The following DGKG variants were observed in gnomAD, a reference collection of about 807,000 sequenced individuals.
DGKG encodes DAG kinase gamma.
Under a neutral mutation model 105.3 loss-of-function variants are expected in DGKG, and 78 were observed. The ratio of observed to expected loss-of-function variants is 0.74; its 90% confidence interval spans 0.62 to 0.89. The LOEUF is 0.89. DGKG is among the 40% of genes least tolerant of loss of function. DGKG has a pLI of 0.00. For missense variants in DGKG, 958 were observed against 1,020.1 expected, an observed-to-expected ratio of 0.94 and a Z score of 0.83; for synonymous variants, 346 against 367.1, an observed-to-expected ratio of 0.94 and a Z score of 0.66.
chr3:186,336,990 T>C (rs887235014), intron 1 of DGKG, among the ~76,000 whole-genome samples: 2 of 152,118 alleles, frequency 1.3e-5, no homozygotes, highest in Non-Finnish European at 1.5e-5. Flanking sequence ...ACTGAACCAA[T>C]ATTAAAAGGT....
chr3:186,340,324 G>A (rs967950922), intron 1 of DGKG, among the ~76,000 whole-genome samples: 1 of 152,098 alleles, frequency 6.6e-6, no homozygotes, highest in Admixed American at 6.6e-5. Flanking sequence ...GTTAGGAGTG[G>A]CTGGATGTGT....
Position 186,226,550 on chromosome 3 carries a change from G to A in DGKG, c.1827-14665C>T, listed in dbSNP as rs1201536586. On this transcript the variant is annotated intron_variant, in intron 20 of 24. Transcript: ENST00000265022. This position sits in a 1 kb window ranked among gnomAD's most constrained non-coding sequence, Gnocchi z 4.2. ...GACTAATTACAACACTCTGTTGAGA[G>A]CTCCAATAAAAGTTTCACTGAGATC... is the stretch of plus-strand genomic sequence containing the variant. Among the ~76,000 whole-genome samples the A allele has an allele frequency of 6.6e-6, 1 of 152,182 alleles. No individual in the cohort carries two copies. Among genetic ancestry groups the A allele is most frequent in the Non-Finnish European group, 1.5e-5 (1 of 68,036 alleles).
intron 22 of DGKG, among the ~76,000 whole-genome samples, chr3:186,171,240 C>T (rs1446171232): frequency 6.6e-6 from 1 of 152,158 alleles, no homozygotes; most frequent in Non-Finnish European, 1.5e-5. Flanking sequence ...GCAACTAGAC[C>T]AGCCTTTGGC....
At chr3:186,255,237 G>A (rs1721410012) in intron 17 of DGKG, among the ~76,000 whole-genome samples, 1 of 152,256 alleles carries the variant, frequency 6.6e-6, no homozygotes, top group African/African-American at 2.4e-5. Flanking sequence ...TGCAGATGCA[G>A]TGTTAGGTGC....
In DGKG at chr3:186,149,092, G is replaced by C; in HGVS notation, c.*998C>G. 2 of 984,814 alleles carry C rather than the reference G, an allele frequency of 2.0e-6. No individual in the cohort carries two copies. Among genetic ancestry groups the C allele is most frequent in the Non-Finnish European group, 2.4e-6 (2 of 829,794 alleles). 61.0% of individuals were successfully genotyped at this position (984,814 alleles called of 1,614,324 possible). ...ATACTCTGGGAGTGGTGAGTGCAAA[G>C]AAGCAGGAGGGAACCGTCTCCTGGT... On this transcript the variant is annotated 3_prime_UTR_variant, in exon 25 of 25. Transcript: ENST00000265022.
chr3:186,192,203 G>T (rs1717942176), intron 21 of DGKG, among the ~76,000 whole-genome samples: 1 of 152,000 alleles, frequency 6.6e-6, no homozygotes, highest in Non-Finnish European at 1.5e-5. Context: ...GTTGAGATGG[G>T]GTTTTACCAT....
chr3:186,358,498 C>G (rs1727082023), intron 1 of DGKG, among the ~76,000 whole-genome samples: 1 of 67,004 alleles, frequency 1.5e-5, no homozygotes, highest in South Asian at 5.0e-4. Context: ...TTGTTTTCTT[C>G]TAACCCTTTG....
At chr3:186,166,419 A>G (rs1487287398) in intron 22 of DGKG, among the ~76,000 whole-genome samples, 3 of 152,184 alleles carry the variant, frequency 2.0e-5, no homozygotes, top group African/African-American at 7.2e-5. Flanking sequence ...TCTCATTTGG[A>G]CTTGGAAAAA....
chr3:186,317,941 C>A (rs1249841531), intron 2 of DGKG, among the ~76,000 whole-genome samples: 2 of 151,982 alleles, frequency 1.3e-5, no homozygotes, highest in Non-Finnish European at 2.9e-5. Flanking sequence ...AGCCCTGCAT[C>A]CTGATGTCAT....
At chr3:186,317,829 T>A (rs552480843) in intron 2 of DGKG, among the ~76,000 whole-genome samples, 18 of 152,284 alleles carry the variant, frequency 1.2e-4, no homozygotes, top group Admixed American at 2.6e-4. Flanking sequence ...GGGCAGGAAC[T>A]GTGTCTCATT....
At chr3:186,331,963 G>A (rs1364063622) in intron 1 of DGKG, among the ~76,000 whole-genome samples, 1 of 152,106 alleles carries the variant, frequency 6.6e-6, no homozygotes, top group Non-Finnish European at 1.5e-5. Flanking sequence ...ATTCTCCCAA[G>A]TTATCCTACT....
At chr3:186,260,285 G>C (rs964556717) in intron 16 of DGKG, among the ~76,000 whole-genome samples, 154 bp downstream of exon 16, 50 of 151,948 alleles carry the variant, frequency 3.3e-4, no homozygotes, top group African/African-American at 1.2e-3. Flanking sequence ...CCAGGAGTCA[G>C]AGTCAGACGT....
At chr3:186,360,959 G>T (rs1271402859) in intron 1 of DGKG, among the ~76,000 whole-genome samples, 1 of 152,228 alleles carries the variant, frequency 6.6e-6, no homozygotes, top group Admixed American at 6.5e-5. Context: ...GCGGCGCAGC[G>T]CGGGAGAGCG....
chr3:186,178,767 T>G (rs1161850091), intron 22 of DGKG, among the ~76,000 whole-genome samples: 1 of 152,140 alleles, frequency 6.6e-6, no homozygotes, highest in Non-Finnish European at 1.5e-5. Context: ...TGAATTTGAG[T>G]TGGGTCAGGA....
chr3:186,253,836 G>A (rs1283655764), intron 17 of DGKG, among the ~76,000 whole-genome samples: 1 of 152,156 alleles, frequency 6.6e-6, no homozygotes, highest in Non-Finnish European at 1.5e-5. Context: ...GGAATAGTGG[G>A]ACATTGGACA....
intron 21 of DGKG, among the ~76,000 whole-genome samples, chr3:186,204,341 G>C (rs891700831): frequency 6.6e-6 from 1 of 152,176 alleles, no homozygotes; most frequent in Non-Finnish European, 1.5e-5. Context: ...GGGAGGCAGA[G>C]GTTGCAGTAA....
In DGKG at chr3:186,299,734, T is replaced by G. The variant is rs373559332; in HGVS notation, c.145-1505A>C. 5.9e-5 allele frequency among the ~76,000 whole-genome samples: 9 copies of G among 152,150 alleles called. 1 individual carries two copies. The South Asian group carries it at 1.9e-3, about 32-fold the overall frequency. On this transcript the variant is annotated intron_variant, in intron 3 of 24. Coordinates refer to ENST00000265022, the MANE Select transcript of DGKG (RefSeq NM_001346.3). ...CCTAATATACAATAACAAAATCTTT[T>G]CTTCCTCCTCTCTTTTCTTTTTTTC...
At position 186,284,574 on chromosome 3, in the gene DGKG, G is replaced by T; in HGVS notation, c.594+86C>A. The T allele has an allele frequency of 3.3e-6, 4 of 1,208,294 alleles. No homozygotes were observed. Among genetic ancestry groups the T allele is most frequent in the South Asian group, 2.5e-5 (2 of 81,596 alleles). The allele number at this position is 1,208,294 out of a possible 1,614,324, so 74.8% of individuals were successfully genotyped here. A position where few individuals can be genotyped will look rare whatever the true frequency, so the allele number is the denominator to read the frequency against. Reference sequence around the variant, plus strand: ...TTGCTATTACTACAAAGACGGAACTGAACATTTTCAGATTCTTCCTCTGCT... The same window carrying T: ...TTGCTATTACTACAAAGACGGAACTTAACATTTTCAGATTCTTCCTCTGCT... On this transcript the variant is annotated intron_variant, in intron 7 of 24. Coordinates refer to ENST00000265022, the MANE Select transcript of DGKG (RefSeq NM_001346.3). The surrounding 1 kb of genome is among the most constrained non-coding windows in gnomAD (Gnocchi z 4.0).
Position 186,313,737 on chromosome 3 carries a change from CGT to C in DGKG, c.67+6654_67+6655del, listed in dbSNP as rs145116743. ...TGTTCCATAGAAATTCCTCCCTATC[CGT>C]AGATTCTGTGACTCCTGGTGGGCAG... On this transcript the variant is annotated intron_variant, in intron 2 of 24. Transcript: ENST00000265022. Among the ~76,000 whole-genome samples, 4 of 152,228 alleles carry C rather than the reference CGT, an allele frequency of 2.6e-5. No individual in the cohort carries two copies. The East Asian group carries it at 5.8e-4, about 22-fold the overall frequency.
Sources: gnomAD v4.1 joint callset for allele counts (sites outside exome capture counted in the v4.1 genomes callset) on GRCh38, gnomAD v4.1.1 for gene constraint, Gnocchi (gnomAD v3.1) non-coding constraint, MANE v1.5 for transcripts, NCBI Gene and HGNC (gene_info 2026-07-23, HGNC 2026-07-21) for gene names.